MAP3K21: variants seen among roughly 807,000 people sequenced by gnomAD.
MAP3K21 encodes the protein mitogen-activated protein kinase kinase kinase 21, also known as mitogen-activated protein kinase kinase kinase MLK4.
A neutral mutation model predicts 86.1 loss-of-function variants in MAP3K21; 63 were observed. That is an observed-to-expected ratio of 0.73 (90% CI 0.60 to 0.90). The LOEUF is 0.90. Ranked by LOEUF, MAP3K21 falls within the 40% of genes least tolerant of loss-of-function variation. MAP3K21 has a pLI of 0.00. For synonymous variants in MAP3K21, 558 were observed against 564.8 expected (o/e 0.99, Z 0.17); for missense variants, 1,220 against 1,367.7 (o/e 0.89, Z 1.70).
At chr1:233,373,926 A>C (rs1340667937) in intron 6 of MAP3K21, 1 of 152,346 alleles carries the variant, frequency 6.6e-6, no homozygotes, top group African/African-American at 2.4e-5. Flanking sequence ...GAAAGTAGGA[A>C]GGGACGAAGG....
chr1:233,327,817 C>G lies in MAP3K21; in HGVS notation c.-212C>G, dbSNP rs1012458566. 1.5e-3 allele frequency: 546 copies of G among 363,946 alleles called. 2 individuals are homozygous for G. Among genetic ancestry groups the G allele is most frequent in the African/African-American group, 0.011 (509 of 47,004 alleles). 22.5% of individuals were successfully genotyped at this position (363,946 alleles called of 1,614,324 possible). A position where few individuals can be genotyped will look rare whatever the true frequency, so the allele number is the denominator to read the frequency against. ...GGACGTCGCCCGCGGCTTCGGGGAC[C>G]GCTGCGGCAGCAGAGGCGGCTGGCC... On this transcript the variant is annotated 5_prime_UTR_variant, in exon 1 of 10. Transcript: ENST00000366624.
intron 1 of MAP3K21, among the ~76,000 whole-genome samples, chr1:233,337,473 G>A (rs967099755): frequency 2.9e-4 from 44 of 152,178 alleles, no homozygotes; most frequent in African/African-American, 1.0e-3. Context: ...CTAATGTTGT[G>A]TGTGTGTGAA....
intron 1 of MAP3K21, among the ~76,000 whole-genome samples, chr1:233,338,394 A>G (rs1572239309): frequency 6.6e-6 from 1 of 152,166 alleles, no homozygotes; most frequent in Non-Finnish European, 1.5e-5. Context: ...TTCCTCCCTT[A>G]AGGATCTTGT....
chr1:233,366,318 T>G (rs1398742969), intron 5 of MAP3K21, among the ~76,000 whole-genome samples: 3 of 152,150 alleles, frequency 2.0e-5, no homozygotes, highest in Non-Finnish European at 4.4e-5. Context: ...ATTTATTGTA[T>G]ATTTTCAAAA....
intron 6 of MAP3K21, chr1:233,373,072 G>A (rs1290452354): frequency 2.0e-5 from 3 of 151,628 alleles, no homozygotes; most frequent in Non-Finnish European, 2.9e-5. Context: ...GCAAGTTCTC[G>A]GACACCAGGA....
Position 233,335,507 on chromosome 1 carries a change from C to T in MAP3K21, c.805+6674C>T, listed in dbSNP as rs540551865. The stretch of plus-strand genomic sequence containing the variant: ...TTGTCACTACAACCTTTTGAGGTGG[C>T]GCTCTAATTATCCCCAATTTACAGG... On this transcript the variant is annotated intron_variant, in intron 1 of 9. Coordinates refer to ENST00000366624, the MANE Select transcript of MAP3K21 (RefSeq NM_032435.3). Among the ~76,000 whole-genome samples, 4 of 152,000 alleles carry T rather than the reference C, an allele frequency of 2.6e-5. No individual in the cohort carries two copies. In the South Asian group the frequency reaches 8.3e-4, roughly 32 times the overall value.
intron 6 of MAP3K21, among the ~76,000 whole-genome samples, chr1:233,374,994 T>C (rs1242271045): frequency 6.6e-6 from 1 of 151,512 alleles, no homozygotes; most frequent in East Asian, 1.9e-4. Context: ...TGGGCTGGAG[T>C]GTAGTGGCGC....
At position 233,328,457 on chromosome 1, in the gene MAP3K21, G is replaced by T; in HGVS notation, c.429G>T (p.Trp143Cys). 1 of 1,496,944 alleles carries T rather than the reference G, an allele frequency of 6.7e-7. No homozygotes were observed. Among genetic ancestry groups the T allele is most frequent in the Non-Finnish European group, 8.8e-7 (1 of 1,133,314 alleles). The allele number at this position is 1,496,944 out of a possible 1,614,324, so 92.7% of individuals were successfully genotyped here. A position where few individuals can be genotyped will look rare whatever the true frequency, so the allele number is the denominator to read the frequency against. Residue 143 changes from tryptophan to cysteine, a missense_variant, in exon 1 of 10, where the codon TGG becomes TGT. Around this residue, in one of 5 missense-constraint regions of MAP3K21, gnomAD observed 369 missense variants for 385.3 expected, o/e 0.96. Transcript: ENST00000366624. The surrounding 1 kb of genome is among the most constrained non-coding windows in gnomAD (Gnocchi z 8.7). ...GGFGQVYRAT[W>C]QGQEVAVKAA... ...TCGGGCAGGTGTACCGCGCCACCTG[G>T]CAGGGCCAGGAGGTGGCCGTGAAGG...
intron 1 of MAP3K21, among the ~76,000 whole-genome samples, chr1:233,340,155 G>C (rs995624845): frequency 2.6e-5 from 4 of 152,204 alleles, no homozygotes; most frequent in Admixed American, 2.0e-4. Flanking sequence ...GCTGAGGTTA[G>C]GCAAAAGGCA....
intron 5 of MAP3K21, 85 bp from the exon 6 acceptor site, chr1:233,371,953 G>A (rs1456649023): frequency 7.2e-7 from 1 of 1,394,024 alleles, no homozygotes; most frequent in East Asian, 2.4e-5. Context: ...GACCATTTTT[G>A]TTTTTATTGC....
In MAP3K21 at chr1:233,328,638, C is replaced by T. The variant is rs1393218190; in HGVS notation, c.610C>T (p.Arg204Cys). 4 of 1,442,134 alleles carry T rather than the reference C, an allele frequency of 2.8e-6. No individual in the cohort carries two copies. Among genetic ancestry groups the T allele is most frequent in the South Asian group, 1.4e-5 (1 of 70,898 alleles). The allele number at this position is 1,442,134 out of a possible 1,614,324, so 89.3% of individuals were successfully genotyped here. The change falls in exon 1 of 10, where the codon CGC becomes TGC. Residue 204 changes from arginine (R) to cysteine (C), a missense_variant. Physicochemically the swap from Arg to Cys is radical, Grantham distance 180. Coordinates refer to ENST00000366624, the MANE Select transcript of MAP3K21 (RefSeq NM_032435.3). The surrounding 1 kb of genome is among the most constrained non-coding windows in gnomAD (Gnocchi z 8.7). The part of the protein sequence containing the change: ...PHLCLVLEFA[R>C]GGALNRALAA... The stretch of plus-strand genomic sequence containing the variant: ...CCTCTGCCTGGTGCTGGAGTTCGCC[C>T]GCGGCGGAGCGCTCAACCGAGCGCT...
intron 1 of MAP3K21, among the ~76,000 whole-genome samples, chr1:233,337,166 C>G (rs755806579): frequency 6.6e-6 from 1 of 152,060 alleles, no homozygotes; most frequent in Non-Finnish European, 1.5e-5. Flanking sequence ...GGTTTTGCAG[C>G]CCATATGGTC....
At chr1:233,353,640 G>A (rs1558456057) in intron 2 of MAP3K21, among the ~76,000 whole-genome samples, 167 bp from the exon 3 acceptor site, 1 of 152,172 alleles carries the variant, frequency 6.6e-6, no homozygotes, top group Non-Finnish European at 1.5e-5. Flanking sequence ...ATTGTTGATG[G>A]GAAGAATCCA....
At position 233,328,134 on chromosome 1, in the gene MAP3K21, G is replaced by A. The variant is rs1466198945; in HGVS notation, c.106G>A (p.Ala36Thr). ...SSSSTSSGGS[A>T]SAGAGLWAAL... ...GTCGTCCACCTCCTCGGGCGGCTCGGCCTCGGCGGGCGCGGGGCTGTGGGC... is the reference window on the plus strand; with the variant it reads ...GTCGTCCACCTCCTCGGGCGGCTCGACCTCGGCGGGCGCGGGGCTGTGGGC... Residue 36 changes from alanine to threonine, a missense_variant, in exon 1 of 10, where the codon GCC becomes ACC. Around this residue, in one of 5 missense-constraint regions of MAP3K21, gnomAD observed 369 missense variants for 385.3 expected, o/e 0.96. Transcript: ENST00000366624. This position sits in a 1 kb window ranked among gnomAD's most constrained non-coding sequence, Gnocchi z 8.7. 1 of 1,420,258 alleles carries A rather than the reference G, an allele frequency of 7.0e-7. No homozygotes were observed. 88.0% of individuals were successfully genotyped at this position (1,420,258 alleles called of 1,614,324 possible). A position where few individuals can be genotyped will look rare whatever the true frequency, so the allele number is the denominator to read the frequency against.
In MAP3K21 at chr1:233,329,420, G is replaced by A. The variant is rs371060911; in HGVS notation, c.805+587G>A. Among the ~76,000 whole-genome samples, 18 of 152,290 alleles carry A rather than the reference G, an allele frequency of 1.2e-4. 1 individual carries two copies. Among genetic ancestry groups the A allele is most frequent in the African/African-American group, 3.4e-4 (14 of 41,560 alleles). ...TGTAATCCCAGCACTTTGGGAGGCCGAGGTGGGCGGATCACCTGAGGTTAC... is the reference window on the plus strand; with the variant it reads ...TGTAATCCCAGCACTTTGGGAGGCCAAGGTGGGCGGATCACCTGAGGTTAC... On this transcript the variant is annotated intron_variant, in intron 1 of 9. Coordinates refer to ENST00000366624, the MANE Select transcript of MAP3K21 (RefSeq NM_032435.3).
At chr1:233,378,128 T>C (rs937905026) in intron 8 of MAP3K21, among the ~76,000 whole-genome samples, 4 of 152,192 alleles carry the variant, frequency 2.6e-5, no homozygotes, top group Non-Finnish European at 4.4e-5. Context: ...CTGGTCTAGA[T>C]CATCAAGCAT....
In MAP3K21 at chr1:233,328,581, G is replaced by T. The variant is rs1337296399; in HGVS notation, c.553G>T (p.Glu185Ter). The T allele has an allele frequency of 1.3e-6, 2 of 1,524,068 alleles. No individual in the cohort carries two copies. Among genetic ancestry groups the T allele is most frequent in the Non-Finnish European group, 1.7e-6 (2 of 1,146,242 alleles). 94.4% of individuals were successfully genotyped at this position (1,524,068 alleles called of 1,614,324 possible). Reference sequence around the variant, plus strand: ...CATGCTGCGGCACCCCAACATCATCGAGCTGCGCGGCGTGTGCCTGCAGCA... The same window carrying T: ...CATGCTGCGGCACCCCAACATCATCTAGCTGCGCGGCGTGTGCCTGCAGCA... ...FAMLRHPNIIELRGVCLQQPH... is the reference protein window; with the variant it reads ...FAMLRHPNII Residue 185 changes from glutamate to a stop codon, truncating the protein, a stop_gained, in exon 1 of 10, where the codon GAG (glutamate) becomes TAG (stop). Transcript: ENST00000366624. LOFTEE classifies it high-confidence loss of function. This position sits in a 1 kb window ranked among gnomAD's most constrained non-coding sequence, Gnocchi z 8.7.
chr1:233,382,305 C>G lies in MAP3K21; in HGVS notation c.2705C>G (p.Thr902Ser). The change falls in exon 10 of 10, where the codon ACT becomes AGT. Residue 902 changes from threonine to serine, a missense_variant and splice_region_variant. Around this residue, in one of 5 missense-constraint regions of MAP3K21, gnomAD observed 632 missense variants for 691.3 expected, o/e 0.91. Coordinates refer to ENST00000366624, the MANE Select transcript of MAP3K21 (RefSeq NM_032435.3). Reference protein sequence around the residue: ...RTMSDGNPTPTGATIISATGA... With the variant: ...RTMSDGNPTPSGATIISATGA... Reference sequence around the variant, plus strand: ...ATACTGTTTTGGCTTTCTCAACCAGCTGGTGCAACTATTATCTCAGCCACT... The same window carrying G: ...ATACTGTTTTGGCTTTCTCAACCAGGTGGTGCAACTATTATCTCAGCCACT... 6.2e-7 allele frequency: 1 copy of G among 1,606,074 alleles called. No individual in the cohort carries two copies. The highest frequency in any genetic ancestry group is 8.5e-7 in the Non-Finnish European group (1 of 1,173,768).
chr1:233,339,368 C>CCTT (rs796287857), intron 1 of MAP3K21, among the ~76,000 whole-genome samples: 1 of 61,136 alleles, frequency 1.6e-5, no homozygotes, highest in Admixed American at 2.2e-4. Context: ...TCCTTCTCCT[C>CCTT]CTTCTCCTTC....
Sources: allele counts gnomAD v4.1 joint callset (sites outside exome capture counted in the v4.1 genomes callset), GRCh38; gene constraint gnomAD v4.1.1; regional missense constraint gnomAD v4.1.1; non-coding constraint Gnocchi (gnomAD v3.1); transcripts MANE v1.5; gene names NCBI Gene and HGNC (gene_info 2026-07-23, HGNC 2026-07-21).